SLC4A4: variants seen among roughly 807,000 people sequenced by gnomAD.
SLC4A4 encodes the protein solute carrier family 4 member 4, also known as electrogenic sodium bicarbonate cotransporter 1.
A neutral mutation model predicts 111.5 loss-of-function variants in SLC4A4; 27 were observed. The observed-to-expected ratio is 0.24, with a 90% confidence interval of 0.18 to 0.33. The LOEUF is 0.33. SLC4A4 is among the 10% of genes least tolerant of loss of function. The probability of loss-of-function intolerance (pLI) is 1.00; values close to 1 mark genes in which losing one functional copy is unlikely to be tolerated. For synonymous variants in SLC4A4, 443 were observed against 463.4 expected, an observed-to-expected ratio of 0.96 and a Z score of 0.57; for missense variants, 909 against 1,315.5, an observed-to-expected ratio of 0.69 and a Z score of 4.78.
intron 20 of SLC4A4, among the ~76,000 whole-genome samples, 179 bp downstream of exon 20, chr4:71,547,899 T>C (rs1221848724): frequency 2.0e-5 from 3 of 151,926 alleles, no homozygotes; most frequent in African/African-American, 7.2e-5. Context: ...TCCTTCTCAC[T>C]CTTTCATCCC....
At chr4:71,562,518 CTT>C (rs1455523486) in intron 23 of SLC4A4, among the ~76,000 whole-genome samples, 1 of 151,522 alleles carries the variant, frequency 6.6e-6, no homozygotes, top group African/African-American at 2.4e-5. Flanking sequence ...CCTTCTTTGT[CTT>C]TTTTGATCTT....
intron 2 of SLC4A4, among the ~76,000 whole-genome samples, chr4:71,117,876 C>CTT (rs35554188): frequency 6.1e-4 from 36 of 58,664 alleles, no homozygotes; most frequent in African/African-American, 1.2e-3. Flanking sequence ...AATACATTTT[C>CTT]TTTTTTTTTT....
intron 2 of SLC4A4, among the ~76,000 whole-genome samples, chr4:71,171,334 G>A (rs1026734502): frequency 6.6e-6 from 1 of 152,054 alleles, no homozygotes; most frequent in African/African-American, 2.4e-5. Context: ...CTTTCTTTAT[G>A]TACCTCCTAC....
intron 2 of SLC4A4, among the ~76,000 whole-genome samples, chr4:71,095,898 G>C (rs1338782346): frequency 6.6e-6 from 1 of 152,190 alleles, no homozygotes; most frequent in East Asian, 1.9e-4. Context: ...AGGATGAGTA[G>C]AAGTTTGCTT....
chr4:71,481,479 A>G (rs1298903090), intron 14 of SLC4A4, among the ~76,000 whole-genome samples: 2 of 151,684 alleles, frequency 1.3e-5, no homozygotes, highest in Admixed American at 1.3e-4. Context: ...ACACTGACAC[A>G]TGGATGTCAC....
intron 15 of SLC4A4, among the ~76,000 whole-genome samples, chr4:71,487,563 A>G (rs934788328): frequency 6.6e-6 from 1 of 151,614 alleles, no homozygotes; most frequent in African/African-American, 2.4e-5. Flanking sequence ...GCTGTTTTGC[A>G]TGGAAGGTCA....
At chr4:71,108,934 C>T (rs1235464215) in intron 2 of SLC4A4, among the ~76,000 whole-genome samples, 3 of 152,038 alleles carry the variant, frequency 2.0e-5, no homozygotes, top group Non-Finnish European at 2.9e-5. Context: ...ATCTTTAAGA[C>T]AGATATTTTA....
In SLC4A4 at chr4:71,567,016, C is replaced by A; in HGVS notation, c.3209C>A (p.Pro1070Gln). Residue 1070 changes from proline (P) to glutamine (Q), a missense_variant, in exon 25 of 26, where the codon CCA (proline) becomes CAA (glutamine). By Grantham distance (76) the Pro-to-Gln change is moderately conservative. Coordinates refer to ENST00000264485, the MANE Select transcript of SLC4A4 (RefSeq NM_001098484.3). ...DSKPSDRERS[P>Q]TFLERHTSC ...TTTTATTTTCCAGGAGAAAGATCACCAACATTCCTTGAACGCCACACATCA... is the reference window on the plus strand; with the variant it reads ...TTTTATTTTCCAGGAGAAAGATCACAAACATTCCTTGAACGCCACACATCA... 6.2e-7 allele frequency: 1 copy of A among 1,609,552 alleles called. No individual in the cohort carries two copies. Among genetic ancestry groups the A allele is most frequent in the African/African-American group, 1.3e-5 (1 of 74,726 alleles).
At chr4:71,097,926 G>A (rs1742606283) in intron 2 of SLC4A4, among the ~76,000 whole-genome samples, 2 of 152,074 alleles carry the variant, frequency 1.3e-5, no homozygotes, top group South Asian at 4.1e-4. Flanking sequence ...TTAGACCTTT[G>A]TCAGATGCAT....
At position 71,350,050 on chromosome 4, in the gene SLC4A4, T is replaced by A. The variant is rs773692876; in HGVS notation, c.528T>A (p.Ala176=). Residue 176 remains alanine, a synonymous_variant, in exon 5 of 26, where the codon GCT becomes GCA. Coordinates refer to ENST00000264485, the MANE Select transcript of SLC4A4 (RefSeq NM_001098484.3). The stretch of plus-strand genomic sequence containing the variant: ...GATCCATCATGCTTGATCGGGAGGC[T>A]TCTTCTCTCCCACAGTTGGTGGGTA... The part of the protein sequence containing the change: ...EKGSIMLDRE[A]SSLPQLVEMI... 23 of 1,613,984 alleles carry A rather than the reference T, an allele frequency of 1.4e-5. No homozygotes were observed. The Middle Eastern group carries it at 4.9e-4, about 35-fold the overall frequency.
intron 1 of SLC4A4, among the ~76,000 whole-genome samples, chr4:71,085,416 C>T (rs1364172470): frequency 6.6e-6 from 1 of 151,964 alleles, no homozygotes; most frequent in Admixed American, 6.6e-5. Context: ...TTAATTAGAT[C>T]CCATTTGTCA....
rs1435887741 is a variant in SLC4A4, at chr4:71,536,868, G to A, written c.2442+2480G>A. On this transcript the variant is annotated intron_variant, in intron 18 of 25. Coordinates refer to ENST00000264485, the MANE Select transcript of SLC4A4 (RefSeq NM_001098484.3). ...TGATCTAGAAGCTTGAGGAGATATAGTTTTGATATTGCATATCTATCTATC... is the reference window on the plus strand; with the variant it reads ...TGATCTAGAAGCTTGAGGAGATATAATTTTGATATTGCATATCTATCTATC... Among the ~76,000 whole-genome samples the A allele has an allele frequency of 2.0e-5, 3 of 151,204 alleles. No homozygotes were observed. The East Asian group carries it at 5.9e-4, about 30-fold the overall frequency.
chr4:71,335,806 T>C (rs1386895924), intron 3 of SLC4A4, among the ~76,000 whole-genome samples: 1 of 151,140 alleles, frequency 6.6e-6, no homozygotes, highest in Non-Finnish European at 1.5e-5. Context: ...GCCTGGGCAA[T>C]AGTGTGAGAC....
At chr4:71,429,397 A>C (rs1312261636) in intron 7 of SLC4A4, among the ~76,000 whole-genome samples, 1 of 152,100 alleles carries the variant, frequency 6.6e-6, no homozygotes, top group Non-Finnish European at 1.5e-5. Flanking sequence ...TTGTTGGAAA[A>C]CCACTCAGAA....
In SLC4A4 at chr4:71,388,361, G is replaced by A. The variant is rs369862057; in HGVS notation, c.731-9216G>A. 3.3e-3 allele frequency among the ~76,000 whole-genome samples: 509 copies of A among 152,238 alleles called. 3 individuals are homozygous for A. Among genetic ancestry groups the A allele is most frequent in the African/African-American group, 0.012 (487 of 41,534 alleles). Reference sequence around the variant, plus strand: ...AAATACTATAATCACAGGGACCACAGGTTCCTTGAAGTACATTATAGGGAC... The same window carrying A: ...AAATACTATAATCACAGGGACCACAAGTTCCTTGAAGTACATTATAGGGAC... On this transcript the variant is annotated intron_variant, in intron 6 of 25. Transcript: ENST00000264485.
intron 16 of SLC4A4, among the ~76,000 whole-genome samples, chr4:71,507,082 C>A (rs915703866): frequency 9.9e-5 from 15 of 152,124 alleles, no homozygotes; most frequent in Non-Finnish European, 1.6e-4. Context: ...TTTACAAGAG[C>A]TCTTGAAGGA....
intron 2 of SLC4A4, among the ~76,000 whole-genome samples, chr4:71,105,224 G>A (rs1261344162): frequency 1.3e-5 from 2 of 149,790 alleles, no homozygotes; most frequent in South Asian, 2.1e-4. Flanking sequence ...GGGATGTGAA[G>A]GACCTCTTCA....
intron 13 of SLC4A4, among the ~76,000 whole-genome samples, chr4:71,466,966 G>GA (rs369970583): frequency 0.072 from 6,321 of 87,574 alleles, 437 homozygotes; most frequent in Non-Finnish European, 0.085. Context: ...AGAGAGAGAG[G>GA]GAGAGAGAGA....
chr4:71,177,975 C>G (rs538207880), intron 2 of SLC4A4, among the ~76,000 whole-genome samples: 1 of 152,192 alleles, frequency 6.6e-6, no homozygotes, highest in East Asian at 1.9e-4. Context: ...TTATAACAAA[C>G]TGTCTCTTAG....
Sources: allele counts gnomAD v4.1 joint callset (sites outside exome capture counted in the v4.1 genomes callset), GRCh38; gene constraint gnomAD v4.1.1; transcripts MANE v1.5; gene names NCBI Gene and HGNC (gene_info 2026-07-23, HGNC 2026-07-21).